The following ADGRG7 variants were observed in gnomAD, a reference collection of about 807,000 sequenced individuals.
ADGRG7 encodes the protein adhesion G protein-coupled receptor G7.
In ADGRG7, 82 loss-of-function variants were observed where a neutral mutation model predicts 88.6. The ratio of observed to expected loss-of-function variants is 0.93; its 90% CI spans 0.77 to 1.11. The LOEUF (loss-of-function observed/expected upper bound fraction) is 1.11. Ranked by LOEUF, ADGRG7 falls within the 50% of genes most tolerant of loss-of-function variation. The pLI, the probability that ADGRG7 is intolerant of heterozygous loss-of-function variation, is 0.00. For synonymous variants in ADGRG7, 381 were observed against 345.2 expected, an observed-to-expected ratio of 1.10 and a Z score of -1.15; for missense variants, 945 against 953.4, an observed-to-expected ratio of 0.99 and a Z score of 0.12.
At chr3:100,663,152 T>G (rs1235577337) in intron 14 of ADGRG7, among the ~76,000 whole-genome samples, 1 of 152,132 alleles carries the variant, frequency 6.6e-6, no homozygotes, top group Non-Finnish European at 1.5e-5. Flanking sequence ...AGGGTTCTAA[T>G]GTACGGCAGG....
In ADGRG7 at chr3:100,627,919, T is replaced by C. The variant is rs571552885; in HGVS notation, c.116-1679T>C. 1.1e-3 allele frequency among the ~76,000 whole-genome samples: 164 copies of C among 152,336 alleles called. 1 individual carries two copies. The highest frequency in any genetic ancestry group is 3.8e-3 in the African/African-American group (159 of 41,586). On this transcript the variant is annotated intron_variant, in intron 1 of 15. Coordinates refer to ENST00000273352, the MANE Select transcript of ADGRG7 (RefSeq NM_032787.3). ...TTCTAGGACTCCAATTGCTTATATGTTAGACAATATGTTGATATTGTCCCA... is the reference window on the plus strand; with the variant it reads ...TTCTAGGACTCCAATTGCTTATATGCTAGACAATATGTTGATATTGTCCCA...
chr3:100,629,573 A>C (rs764519748), intron 1 of ADGRG7, 25 bp from the exon 2 acceptor site: 1 of 1,524,754 alleles, frequency 6.6e-7, no homozygotes, highest in Non-Finnish European at 9.1e-7. Context: ...GTTCATGACT[A>C]TTCTGTTATT....
At chr3:100,627,403 G>A (rs629967) in intron 1 of ADGRG7, among the ~76,000 whole-genome samples, 11,992 of 152,016 alleles carry the variant, frequency 0.079, 589 homozygotes, top group Non-Finnish European at 0.11. Context: ...TGCATCCCTG[G>A]GATAAATCTC....
intron 15 of ADGRG7, among the ~76,000 whole-genome samples, chr3:100,679,477 GT>G (rs960558306): frequency 1.3e-5 from 2 of 152,204 alleles, no homozygotes; most frequent in Non-Finnish European, 2.9e-5. Flanking sequence ...GCTGATTTTG[GT>G]TCTTATCTTG....
intron 4 of ADGRG7, 169 bp from the exon 5 acceptor site, chr3:100,635,508 G>A: frequency 7.1e-7 from 1 of 1,405,334 alleles, no homozygotes; most frequent in South Asian, 1.6e-5. Context: ...TGGTCTGCAT[G>A]TACTTTGTCC....
intron 15 of ADGRG7, among the ~76,000 whole-genome samples, chr3:100,690,998 G>A (rs2094992585): frequency 6.6e-6 from 1 of 152,238 alleles, no homozygotes; most frequent in Non-Finnish European, 1.5e-5. Context: ...TCCTTGAGCT[G>A]TGGTGGGCTC....
chr3:100,660,312 T>C (rs1035806034), intron 14 of ADGRG7, among the ~76,000 whole-genome samples: 6 of 152,152 alleles, frequency 3.9e-5, no homozygotes, highest in African/African-American at 1.4e-4. Context: ...TTTATTTTAT[T>C]ATTATTTTTT....
At chr3:100,692,485 G>A (rs1181323991) in intron 15 of ADGRG7, among the ~76,000 whole-genome samples, 2 of 152,142 alleles carry the variant, frequency 1.3e-5, no homozygotes, top group Non-Finnish European at 2.9e-5. Flanking sequence ...TGCATAGGAG[G>A]GGGAAATTAT....
At chr3:100,625,558 T>C (rs1216104180) in intron 1 of ADGRG7, among the ~76,000 whole-genome samples, 1 of 152,208 alleles carries the variant, frequency 6.6e-6, no homozygotes, top group Non-Finnish European at 1.5e-5. Context: ...GAACTTCCAA[T>C]ACTATGTTGA....
At chr3:100,646,544 T>C in intron 9 of ADGRG7, 25 bp from the exon 10 acceptor site, 4 of 1,586,692 alleles carry the variant, frequency 2.5e-6, no homozygotes, top group Non-Finnish European at 2.6e-6. Flanking sequence ...GAAACAGTAA[T>C]TGTAATTGTC....
At chr3:100,654,265 C>A (rs976231457) in intron 11 of ADGRG7, 1 of 152,138 alleles carries the variant, frequency 6.6e-6, no homozygotes, top group Non-Finnish European at 1.5e-5. Context: ...TTTGTGGAAC[C>A]TTTCATTCAT....
At chr3:100,689,575 G>T (rs1207212602) in intron 15 of ADGRG7, among the ~76,000 whole-genome samples, 1 of 152,162 alleles carries the variant, frequency 6.6e-6, no homozygotes, top group Non-Finnish European at 1.5e-5. Flanking sequence ...GCCTGGTAGT[G>T]ACAAAATCTC....
At chr3:100,629,312 C>T (rs945686498) in intron 1 of ADGRG7, among the ~76,000 whole-genome samples, 8 of 139,964 alleles carry the variant, frequency 5.7e-5, no homozygotes, top group African/African-American at 1.9e-4. Flanking sequence ...TATCTATCTA[C>T]TTACCATCTA....
chr3:100,642,931 G>A (rs1381374561), intron 6 of ADGRG7, among the ~76,000 whole-genome samples: 2 of 152,202 alleles, frequency 1.3e-5, no homozygotes, highest in Non-Finnish European at 2.9e-5. Flanking sequence ...TGCATGCCTT[G>A]CCAATGGTGG....
intron 15 of ADGRG7, among the ~76,000 whole-genome samples, chr3:100,687,619 C>G (rs1157667755): frequency 6.6e-6 from 1 of 152,152 alleles, no homozygotes; most frequent in East Asian, 1.9e-4. Context: ...GCCTTTTCTG[C>G]ATCTATTGAG....
chr3:100,684,190 A>C (rs1488365219), intron 15 of ADGRG7, among the ~76,000 whole-genome samples: 1 of 151,792 alleles, frequency 6.6e-6, no homozygotes, highest in Non-Finnish European at 1.5e-5. Context: ...GTTTTAACTT[A>C]TCTCTTTTTA....
intron 14 of ADGRG7, 123 bp downstream of exon 14, chr3:100,659,966 A>G (rs2094943087): frequency 1.1e-6 from 1 of 881,652 alleles, no homozygotes; most frequent in South Asian, 1.8e-5. Flanking sequence ...TACGTGGTTT[A>G]CAGGAGAGAT....
At chr3:100,669,322 TAAA>T (rs933495573) in intron 15 of ADGRG7, among the ~76,000 whole-genome samples, 1 of 151,408 alleles carries the variant, frequency 6.6e-6, no homozygotes, top group African/African-American at 2.4e-5. Context: ...CCATCTCTAC[TAAA>T]AAAAATACAA....
chr3:100,635,302 T>G (rs1707520636), intron 4 of ADGRG7, among the ~76,000 whole-genome samples: 1 of 152,244 alleles, frequency 6.6e-6, no homozygotes, highest in Non-Finnish European at 1.5e-5. Context: ...TTAGAACTGT[T>G]AGATTCAACA....
Sources: allele counts gnomAD v4.1 joint callset (sites outside exome capture counted in the v4.1 genomes callset), GRCh38; gene constraint gnomAD v4.1.1; transcripts MANE v1.5; gene names NCBI Gene and HGNC (gene_info 2026-07-23, HGNC 2026-07-21).